The following UNC5C variants were observed in gnomAD, a reference collection of about 807,000 sequenced individuals.
UNC5C encodes the protein netrin receptor UNC5C.
A neutral mutation model predicts 99.8 loss-of-function variants in UNC5C; 47 were observed. The ratio of observed to expected loss-of-function variants is 0.47; its 90% CI spans 0.37 to 0.60. The LOEUF (loss-of-function observed/expected upper bound fraction) is 0.60, where lower values mean the gene tolerates loss of function less well. Among genes scored for constraint, UNC5C ranks in the 20% least tolerant of loss-of-function variants. UNC5C has a pLI of 0.00. For missense variants in UNC5C, 1,062 were observed against 1,165.9 expected (o/e 0.91, Z 1.30); for synonymous variants, 487 against 452.2 (o/e 1.08, Z -0.98).
Position 95,251,710 on chromosome 4 carries a change from T to C in UNC5C, c.595-1043A>G, listed in dbSNP as rs143892199. On this transcript the variant is annotated intron_variant, in intron 4 of 15. Transcript: ENST00000453304. ...CTTTAGTGGTAGGGAGTCAATATTG[T>C]TGCCATTTTCAAAACCTTAAGGAGC... Among the ~76,000 whole-genome samples the C allele has an allele frequency of 2.3e-3, 345 of 152,306 alleles. 1 individual carries two copies. Among genetic ancestry groups the C allele is most frequent in the African/African-American group, 7.9e-3 (328 of 41,570 alleles).
intron 1 of UNC5C, among the ~76,000 whole-genome samples, chr4:95,447,830 A>C (rs1451687112): frequency 2.0e-5 from 3 of 152,126 alleles, no homozygotes; most frequent in African/African-American, 7.2e-5. Flanking sequence ...TTAAGACGCA[A>C]TGATAGGAAA....
chr4:95,304,589 C>T (rs1326380406), intron 2 of UNC5C, among the ~76,000 whole-genome samples: 1 of 152,042 alleles, frequency 6.6e-6, no homozygotes, highest in East Asian at 1.9e-4. Context: ...TTTCCCCCTA[C>T]TCTCTGATGT....
intron 1 of UNC5C, among the ~76,000 whole-genome samples, chr4:95,449,911 C>T (rs1273373661): frequency 2.6e-5 from 4 of 152,294 alleles, no homozygotes; most frequent in African/African-American, 9.6e-5. Context: ...TGGTGACATG[C>T]ATTTCAAGAA....
At chr4:95,249,187 G>A (rs1396840530) in intron 5 of UNC5C, among the ~76,000 whole-genome samples, 1 of 152,164 alleles carries the variant, frequency 6.6e-6, no homozygotes, top group African/African-American at 2.4e-5. Context: ...ATCTAGGTTT[G>A]TGTGAATACA....
At chr4:95,295,254 A>G (rs1741632726) in intron 3 of UNC5C, among the ~76,000 whole-genome samples, 1 of 152,198 alleles carries the variant, frequency 6.6e-6, no homozygotes, top group South Asian at 2.1e-4. Flanking sequence ...GTATTACAGT[A>G]AGGGTTCTGC....
At chr4:95,276,133 T>A (rs1340551981) in intron 4 of UNC5C, among the ~76,000 whole-genome samples, 2 of 152,230 alleles carry the variant, frequency 1.3e-5, no homozygotes, top group Non-Finnish European at 2.9e-5. Flanking sequence ...TATCTGCTCC[T>A]CTTGAGCAAA....
intron 4 of UNC5C, among the ~76,000 whole-genome samples, chr4:95,263,956 AAG>A (rs1438649647): frequency 1.3e-5 from 2 of 152,224 alleles, no homozygotes; most frequent in African/African-American, 2.4e-5. Context: ...AGCATAAAAT[AAG>A]AGATACTTAA....
At chr4:95,457,517 C>G (rs1298964124) in intron 1 of UNC5C, among the ~76,000 whole-genome samples, 1 of 152,108 alleles carries the variant, frequency 6.6e-6, no homozygotes, top group Non-Finnish European at 1.5e-5. Context: ...CTCTCAGGAA[C>G]CAACAAAACA....
At chr4:95,411,688 C>A (rs1055349321) in intron 1 of UNC5C, among the ~76,000 whole-genome samples, 1 of 152,164 alleles carries the variant, frequency 6.6e-6, no homozygotes, top group Admixed American at 6.6e-5. Context: ...TAAATTGGAT[C>A]GCAATCTCTT....
chr4:95,401,605 C>T (rs1049630024), intron 1 of UNC5C, among the ~76,000 whole-genome samples: 1 of 152,114 alleles, frequency 6.6e-6, no homozygotes, highest in Non-Finnish European at 1.5e-5. Flanking sequence ...GTGCCTCACC[C>T]CAGTAATTTA....
At chr4:95,427,346 A>G (rs1746513343) in intron 1 of UNC5C, among the ~76,000 whole-genome samples, 1 of 152,214 alleles carries the variant, frequency 6.6e-6, no homozygotes, top group Non-Finnish European at 1.5e-5. Flanking sequence ...GCAGAGTATG[A>G]GAGGATTGAC....
chr4:95,307,130 G>A (rs1742088884), intron 2 of UNC5C, among the ~76,000 whole-genome samples: 1 of 151,930 alleles, frequency 6.6e-6, no homozygotes, highest in South Asian at 2.1e-4. Context: ...TAACTTAAAA[G>A]GCAGAATTTC....
chr4:95,404,141 C>T (rs1286838230), intron 1 of UNC5C, among the ~76,000 whole-genome samples: 1 of 152,052 alleles, frequency 6.6e-6, no homozygotes, highest in East Asian at 1.9e-4. Context: ...AATTCTTAAG[C>T]CATTTATAAT....
At chr4:95,325,315 A>G (rs1742846162) in intron 2 of UNC5C, among the ~76,000 whole-genome samples, 3 of 152,230 alleles carry the variant, frequency 2.0e-5, no homozygotes, top group Admixed American at 2.0e-4. Flanking sequence ...TACTTGGAGA[A>G]TAAACTGCTG....
chr4:95,367,168 T>C (rs1032799182), intron 1 of UNC5C, among the ~76,000 whole-genome samples: 2 of 149,588 alleles, frequency 1.3e-5, no homozygotes, highest in African/African-American at 5.0e-5. Context: ...AGAATTTGAG[T>C]CTTCTTACTT....
chr4:95,541,075 T>C (rs1201558007), intron 1 of UNC5C, among the ~76,000 whole-genome samples: 1 of 152,196 alleles, frequency 6.6e-6, no homozygotes, highest in Non-Finnish European at 1.5e-5. Context: ...TGCAAATTCA[T>C]AGAGAATAGA....
intron 1 of UNC5C, among the ~76,000 whole-genome samples, chr4:95,403,023 T>A (rs1458079920): frequency 6.6e-6 from 1 of 152,176 alleles, no homozygotes; most frequent in Non-Finnish European, 1.5e-5. Flanking sequence ...TGAGTATAAA[T>A]TACTGCTATG....
chr4:95,456,772 C>G (rs1446224295), intron 1 of UNC5C, among the ~76,000 whole-genome samples: 1 of 152,068 alleles, frequency 6.6e-6, no homozygotes, highest in African/African-American at 2.4e-5. Flanking sequence ...ATGCATAGAA[C>G]ACATTCATTG....
At chr4:95,509,359 C>A (rs927801858) in intron 1 of UNC5C, among the ~76,000 whole-genome samples, 1 of 151,772 alleles carries the variant, frequency 6.6e-6, no homozygotes, top group Non-Finnish European at 1.5e-5. Context: ...TAATTCTATG[C>A]TCCTTTGCAC....
Sources: allele counts gnomAD v4.1 joint callset (sites outside exome capture counted in the v4.1 genomes callset), GRCh38; gene constraint gnomAD v4.1.1; transcripts MANE v1.5; gene names NCBI Gene and HGNC (gene_info 2026-07-23, HGNC 2026-07-21).